Variants in UBE3C observed in about 807,000 individuals in gnomAD.
UBE3C encodes ubiquitin protein ligase E3C.
UBE3C carries 42 observed loss-of-function variants against 129.4 expected under a neutral mutation model. That is an observed-to-expected ratio of 0.32 (90% CI 0.25 to 0.42). The LOEUF is 0.42. Ranked by LOEUF, UBE3C falls within the 10% of genes least tolerant of loss-of-function variation. The probability of loss-of-function intolerance (pLI) is 1.00; values close to 1 mark genes in which losing one functional copy is unlikely to be tolerated. For missense variants in UBE3C, 1,049 were observed against 1,319.1 expected (o/e 0.80, Z 3.17); for synonymous variants, 510 against 492.4 (o/e 1.04, Z -0.47).
chr7:157,167,342 C>T (rs192224171), intron 2 of UBE3C, among the ~76,000 whole-genome samples: 413 of 152,298 alleles, frequency 2.7e-3, no homozygotes, highest in African/African-American at 9.7e-3. Context: ...AGATGGCATT[C>T]ATAGAAGACA....
At chr7:157,164,391 T>G (rs1230728415) in intron 2 of UBE3C, 2 of 456,666 alleles carry the variant, frequency 4.4e-6, no homozygotes, top group Admixed American at 4.7e-5. Flanking sequence ...TATGGCCTCA[T>G]GCAATCGCCT....
At chr7:157,205,753 A>T (rs1483633595) in intron 11 of UBE3C, among the ~76,000 whole-genome samples, 1 of 152,178 alleles carries the variant, frequency 6.6e-6, no homozygotes, top group Non-Finnish European at 1.5e-5. Flanking sequence ...GCAAACATGG[A>T]TCATGTATGC....
chr7:157,212,660 A>G (rs1809629707), intron 13 of UBE3C, among the ~76,000 whole-genome samples: 1 of 152,210 alleles, frequency 6.6e-6, no homozygotes, highest in African/African-American at 2.4e-5. Flanking sequence ...TCTTTTTAAT[A>G]TTGGGGTTAA....
intron 19 of UBE3C, among the ~76,000 whole-genome samples, chr7:157,249,609 G>C (rs1041794209): frequency 5.3e-5 from 8 of 152,298 alleles, no homozygotes; most frequent in African/African-American, 1.9e-4. Flanking sequence ...CACCGTGGCC[G>C]GCACGACAGA....
intron 1 of UBE3C, among the ~76,000 whole-genome samples, chr7:157,157,649 A>C (rs1476206220): frequency 6.6e-6 from 1 of 152,212 alleles, no homozygotes; most frequent in African/African-American, 2.4e-5. Flanking sequence ...TGAATTAGCC[A>C]AAAACTGAAA....
intron 17 of UBE3C, among the ~76,000 whole-genome samples, chr7:157,230,114 G>A (rs1795983206): frequency 6.6e-6 from 1 of 150,754 alleles, no homozygotes. Context: ...TCACCATGTT[G>A]GCCAGGCTGG....
At chr7:157,161,520 C>G (rs1018905530) in intron 1 of UBE3C, among the ~76,000 whole-genome samples, 6 of 151,152 alleles carry the variant, frequency 4.0e-5, no homozygotes, top group Admixed American at 6.6e-5. Context: ...GGCACAATCT[C>G]GGCTCACTGC....
intron 18 of UBE3C, among the ~76,000 whole-genome samples, chr7:157,237,160 G>A (rs999026261): frequency 2.0e-5 from 3 of 152,106 alleles, no homozygotes; most frequent in African/African-American, 4.8e-5. Context: ...AAGATTTCTC[G>A]GCTGGGTGCA....
At chr7:157,248,307 C>T in intron 18 of UBE3C, 61 bp from the exon 19 acceptor site, 1 of 1,413,296 alleles carries the variant, frequency 7.1e-7, no homozygotes, top group African/African-American at 1.4e-5. Flanking sequence ...GAGCATATGG[C>T]TCTTTGTTTG....
intron 15 of UBE3C, chr7:157,222,893 C>T (rs553092904): frequency 1.3e-5 from 3 of 224,074 alleles, no homozygotes; most frequent in South Asian, 6.9e-5. Flanking sequence ...GGAAAGGGCA[C>T]GAAGGTGGTC....
intron 4 of UBE3C, 70 bp from the exon 5 acceptor site, chr7:157,174,849 G>A: frequency 2.6e-6 from 3 of 1,160,696 alleles, no homozygotes; most frequent in Non-Finnish European, 3.7e-6. Context: ...GGAAATTTGG[G>A]GTATTATGTA....
chr7:157,244,282 T>C (rs1796420494), intron 18 of UBE3C, among the ~76,000 whole-genome samples: 1 of 152,204 alleles, frequency 6.6e-6, no homozygotes, highest in Non-Finnish European at 1.5e-5. Context: ...CCTAGGAGTT[T>C]AGAGTTAGTT....
chr7:157,205,523 G>A (rs1809408381), intron 11 of UBE3C, among the ~76,000 whole-genome samples: 1 of 152,156 alleles, frequency 6.6e-6, no homozygotes, highest in Admixed American at 6.5e-5. Flanking sequence ...CATAGGCAGG[G>A]CTGTTGAAAG....
intron 18 of UBE3C, among the ~76,000 whole-genome samples, chr7:157,239,811 C>T (rs1020816428): frequency 2.6e-5 from 4 of 152,148 alleles, no homozygotes; most frequent in African/African-American, 4.8e-5. Context: ...AAGCAGGGGG[C>T]GCCACAGGCT....
intron 18 of UBE3C, among the ~76,000 whole-genome samples, chr7:157,246,668 C>A (rs887548022): frequency 1.2e-4 from 18 of 152,168 alleles, no homozygotes; most frequent in African/African-American, 3.4e-4. Context: ...CCAGCCTTCA[C>A]CTTCCCTCTC....
chr7:157,206,694 T>C (rs1809443774), intron 11 of UBE3C, among the ~76,000 whole-genome samples: 1 of 152,136 alleles, frequency 6.6e-6, no homozygotes, highest in Non-Finnish European at 1.5e-5. Flanking sequence ...GCTCAAGCCA[T>C]TCTCCTGCCT....
intron 19 of UBE3C, among the ~76,000 whole-genome samples, chr7:157,253,566 C>T (rs1796671426): frequency 2.0e-5 from 3 of 152,212 alleles, no homozygotes; most frequent in African/African-American, 7.2e-5. Context: ...TTACTACAGC[C>T]TTTGCGTTTC....
chr7:157,226,734 T>TA (rs1268885749), intron 17 of UBE3C, among the ~76,000 whole-genome samples: 25 of 152,022 alleles, frequency 1.6e-4, no homozygotes, highest in African/African-American at 5.3e-4. Context: ...TTTTTTTTTT[T>TA]ACACAATTTA....
chr7:157,225,610 C>T, intron 17 of UBE3C, 71 bp downstream of exon 17: 2 of 1,456,406 alleles, frequency 1.4e-6, no homozygotes, highest in Admixed American at 2.6e-5. Context: ...AATGGTGGTT[C>T]TTTAAAAATT....
Sources: gnomAD v4.1 joint callset for allele counts (sites outside exome capture counted in the v4.1 genomes callset) on GRCh38, gnomAD v4.1.1 for gene constraint, MANE v1.5 for transcripts, NCBI Gene and HGNC (gene_info 2026-07-23, HGNC 2026-07-21) for gene names.